SKAP1: variants seen among roughly 807,000 people sequenced by gnomAD.
SKAP1 encodes src kinase associated phosphoprotein 1, also known as src kinase-associated phosphoprotein 1.
A neutral mutation model predicts 58.5 loss-of-function variants in SKAP1; 44 were observed. The observed-to-expected ratio is 0.75, with a 90% confidence interval of 0.59 to 0.97. The LOEUF (loss-of-function observed/expected upper bound fraction) is 0.97. Ranked by LOEUF, SKAP1 falls within the 50% of genes least tolerant of loss-of-function variation. The pLI is 0.00. For missense variants in SKAP1, 390 were observed against 435.2 expected, an observed-to-expected ratio of 0.90 and a Z score of 0.92; for synonymous variants, 127 against 149.7, an observed-to-expected ratio of 0.85 and a Z score of 1.11.
chr17:48,180,275 C>G, intron 8 of SKAP1, 27 bp from the exon 9 acceptor site: 1 of 1,477,240 alleles, frequency 6.8e-7, no homozygotes, highest in Non-Finnish European at 9.1e-7. Flanking sequence ...GAGAATGAAT[C>G]AAGAAACAGA....
At chr17:48,340,435 G>A (rs2066636124) in intron 4 of SKAP1, among the ~76,000 whole-genome samples, 1 of 151,830 alleles carries the variant, frequency 6.6e-6, no homozygotes, top group African/African-American at 2.4e-5. Context: ...GGAGAGAAAA[G>A]AAAATCTAGG....
At chr17:48,153,042 CACACACAT>C (rs1040326518) in intron 11 of SKAP1, among the ~76,000 whole-genome samples, 2 of 117,444 alleles carry the variant, frequency 1.7e-5, no homozygotes, top group African/African-American at 5.8e-5. Context: ...CACACACACA[CACACACAT>C]ACATACACAG....
At chr17:48,240,141 C>T (rs1295115063) in intron 4 of SKAP1, among the ~76,000 whole-genome samples, 1 of 151,586 alleles carries the variant, frequency 6.6e-6, no homozygotes, top group African/African-American at 2.4e-5. Context: ...AAGGAGCGAG[C>T]CAGCTTGGAA....
At chr17:48,386,741 G>C (rs1009198174) in intron 2 of SKAP1, among the ~76,000 whole-genome samples, 4 of 152,328 alleles carry the variant, frequency 2.6e-5, no homozygotes, top group African/African-American at 9.6e-5. Context: ...CAGGAGCAGG[G>C]AAGGGAAGCT....
At chr17:48,415,307 G>A (rs1158018038) in intron 1 of SKAP1, among the ~76,000 whole-genome samples, 1 of 151,316 alleles carries the variant, frequency 6.6e-6, no homozygotes, top group Non-Finnish European at 1.5e-5. Flanking sequence ...TTTTGTCTAT[G>A]GGGAAAAGGG....
chr17:48,155,753 A>G (rs2063967699), intron 11 of SKAP1, among the ~76,000 whole-genome samples: 1 of 152,140 alleles, frequency 6.6e-6, no homozygotes, highest in Non-Finnish European at 1.5e-5. Context: ...GTTACTCAGG[A>G]GGCTGAGGCA....
chr17:48,145,289 A>G (rs2063815332), intron 11 of SKAP1, among the ~76,000 whole-genome samples: 2 of 152,144 alleles, frequency 1.3e-5, no homozygotes, highest in African/African-American at 4.8e-5. Flanking sequence ...TGTAGAAACT[A>G]TTGGTCTGGA....
intron 4 of SKAP1, among the ~76,000 whole-genome samples, chr17:48,235,105 A>G (rs2065165857): frequency 6.6e-6 from 1 of 152,214 alleles, no homozygotes; most frequent in Non-Finnish European, 1.5e-5. Flanking sequence ...GGAGACAAAG[A>G]CTGAGCTGGG....
At chr17:48,140,629 C>T (rs1161724419) in intron 11 of SKAP1, among the ~76,000 whole-genome samples, 1 of 152,154 alleles carries the variant, frequency 6.6e-6, no homozygotes, top group Non-Finnish European at 1.5e-5. Context: ...ATCCTGCCTT[C>T]ACCTCCATCC....
At chr17:48,311,932 G>A (rs1216013349) in intron 4 of SKAP1, among the ~76,000 whole-genome samples, 2 of 152,160 alleles carry the variant, frequency 1.3e-5, no homozygotes. Flanking sequence ...GGAAAATCAT[G>A]AGCAAAAATA....
chr17:48,218,150 T>G (rs575391519), intron 4 of SKAP1, among the ~76,000 whole-genome samples: 182 of 152,350 alleles, frequency 1.2e-3, no homozygotes, highest in African/African-American at 4.0e-3. Flanking sequence ...CACTGATATT[T>G]ATCCTTAAAC....
intron 4 of SKAP1, among the ~76,000 whole-genome samples, chr17:48,244,188 G>C (rs2065270504): frequency 6.6e-6 from 1 of 152,170 alleles, no homozygotes; most frequent in Non-Finnish European, 1.5e-5. Context: ...ATGCATGGCA[G>C]CTTTCCTGGA....
At chr17:48,173,659 C>G (rs761053512) in intron 9 of SKAP1, among the ~76,000 whole-genome samples, 1 of 152,180 alleles carries the variant, frequency 6.6e-6, no homozygotes, top group Non-Finnish European at 1.5e-5. Flanking sequence ...TGCTTAGGCA[C>G]TTTTGCAGAG....
chr17:48,227,433 C>A (rs371373001), intron 4 of SKAP1, among the ~76,000 whole-genome samples: 1 of 152,260 alleles, frequency 6.6e-6, no homozygotes, highest in East Asian at 1.9e-4. Context: ...TCTGTCTGGG[C>A]ACCCCATCAC....
At chr17:48,358,104 G>A (rs769713875) in intron 3 of SKAP1, among the ~76,000 whole-genome samples, 1 of 152,110 alleles carries the variant, frequency 6.6e-6, no homozygotes, top group Non-Finnish European at 1.5e-5. Flanking sequence ...TAAAATATCA[G>A]CATTCCAGGA....
the SKAP1 span, among the ~76,000 whole-genome samples, chr17:48,436,281 AG>A: frequency 6.6e-6 from 1 of 152,184 alleles, no homozygotes; most frequent in Non-Finnish European, 1.5e-5. Context: ...CACGTTGGCC[AG>A]GCTGGTCTCA....
At chr17:48,164,605 A>G (rs533545045) in intron 10 of SKAP1, among the ~76,000 whole-genome samples, 9 of 152,362 alleles carry the variant, frequency 5.9e-5, no homozygotes, top group Middle Eastern at 3.4e-3. Context: ...TAGGAGAAAA[A>G]CAGAAGCCTT....
chr17:48,205,710 G>C (rs909637561), intron 4 of SKAP1, among the ~76,000 whole-genome samples: 1 of 152,126 alleles, frequency 6.6e-6, no homozygotes, highest in African/African-American at 2.4e-5. Context: ...GAATGGCACT[G>C]AAATTCTCCA....
chr17:48,358,460 G>T (rs187688595), intron 3 of SKAP1, among the ~76,000 whole-genome samples: 37 of 152,196 alleles, frequency 2.4e-4, no homozygotes, highest in South Asian at 2.1e-3. Flanking sequence ...TAAGGGACAA[G>T]AAGTTAAGCA....
Sources: allele counts gnomAD v4.1 joint callset (sites outside exome capture counted in the v4.1 genomes callset), GRCh38; gene constraint gnomAD v4.1.1; transcripts MANE v1.5; gene names NCBI Gene and HGNC (gene_info 2026-07-23, HGNC 2026-07-21).